The following ZBTB10 variants were observed in gnomAD, a reference collection of about 807,000 sequenced individuals.
ZBTB10 encodes the protein zinc finger and BTB domain-containing protein 10.
A neutral mutation model predicts 76.4 loss-of-function variants in ZBTB10; 32 were observed. That is an observed-to-expected ratio of 0.42 (90% CI 0.32 to 0.56). ZBTB10 has a LOEUF of 0.56. ZBTB10 is among the 20% of genes least tolerant of loss of function. The pLI is 0.14. For missense variants in ZBTB10, 1,057 were observed against 1,098.5 expected (o/e 0.96, Z 0.53); for synonymous variants, 523 against 432.9 (o/e 1.21, Z -2.58).
intron 1 of ZBTB10, among the ~76,000 whole-genome samples, chr8:80,495,671 C>T (rs1815765168): frequency 6.6e-6 from 1 of 152,010 alleles, no homozygotes; most frequent in Non-Finnish European, 1.5e-5. Context: ...AGTAGGTATT[C>T]ATTTAATGTT....
chr8:80,516,405 G>A (rs1046143855), intron 3 of ZBTB10, among the ~76,000 whole-genome samples: 5 of 152,208 alleles, frequency 3.3e-5, no homozygotes, highest in African/African-American at 1.2e-4. Flanking sequence ...GAAAAACCAA[G>A]GCAAGTAAGA....
chr8:80,503,849 C>G (rs1328801733), intron 2 of ZBTB10, among the ~76,000 whole-genome samples: 1 of 152,170 alleles, frequency 6.6e-6, no homozygotes, highest in Non-Finnish European at 1.5e-5. Context: ...TAAACCTAAC[C>G]TAATTCCTCT....
chr8:80,488,500 T>C (rs891787823), intron 1 of ZBTB10, among the ~76,000 whole-genome samples: 1 of 152,242 alleles, frequency 6.6e-6, no homozygotes, highest in African/African-American at 2.4e-5. Context: ...AGAAAGATTT[T>C]TAAATGCAGT....
Position 80,487,272 on chromosome 8 carries a change from T to C in ZBTB10, c.462T>C (p.Asn154=), listed in dbSNP as rs1815497080. 1.3e-6 allele frequency: 2 copies of C among 1,551,160 alleles called. No homozygotes were observed. Among genetic ancestry groups the C allele is most frequent in the African/African-American group, 2.7e-5 (2 of 72,994 alleles). Residue 154 remains asparagine, a synonymous_variant, in exon 1 of 6, where the codon AAT becomes AAC. Transcript: ENST00000455036. ...ETSVWPLRHF[N]GRGPATVDLE... ...CGGTGTGGCCCTTGAGGCATTTCAA[T>C]GGGCGAGGGCCGGCGACTGTGGATC...
intron 2 of ZBTB10, among the ~76,000 whole-genome samples, chr8:80,507,319 G>GAA (rs1304554848): frequency 2.5e-5 from 3 of 121,724 alleles, no homozygotes; most frequent in African/African-American, 9.1e-5. Context: ...AAGAAGAAAA[G>GAA]AAAAAAAAAA....
At chr8:80,516,544 T>G (rs1181017390) in intron 3 of ZBTB10, among the ~76,000 whole-genome samples, 1 of 151,946 alleles carries the variant, frequency 6.6e-6, no homozygotes, top group African/African-American at 2.4e-5. Flanking sequence ...TCTTTATCCC[T>G]CACACAGAAA....
chr8:80,504,430 T>G (rs892726811), intron 2 of ZBTB10, among the ~76,000 whole-genome samples: 10 of 152,320 alleles, frequency 6.6e-5, no homozygotes, highest in African/African-American at 2.2e-4. Context: ...ATGTTGAAGC[T>G]TTTGTTTGGG....
chr8:80,485,794 T>C (rs1245168299), upstream of ZBTB10: 1 of 1,535,306 alleles, frequency 6.5e-7, no homozygotes, highest in Non-Finnish European at 8.7e-7. Context: ...ATGACAAGGC[T>C]GGAGCGCAGC....
chr8:80,517,783 T>C (rs1816362389), intron 3 of ZBTB10, among the ~76,000 whole-genome samples: 1 of 151,932 alleles, frequency 6.6e-6, no homozygotes, highest in South Asian at 2.1e-4. Flanking sequence ...GGAGTTCTGG[T>C]TTGAATATAC....
intron 1 of ZBTB10, among the ~76,000 whole-genome samples, chr8:80,493,157 C>T (rs964916216): frequency 2.0e-5 from 3 of 151,038 alleles, no homozygotes; most frequent in Non-Finnish European, 4.4e-5. Flanking sequence ...CCCCACTGCA[C>T]TCCAACTGGG....
At chr8:80,489,167 A>G (rs776823770) in intron 1 of ZBTB10, among the ~76,000 whole-genome samples, 2 of 152,204 alleles carry the variant, frequency 1.3e-5, no homozygotes, top group Non-Finnish European at 2.9e-5. Context: ...AAAAGAATGG[A>G]TTTGGAGTAA....
At position 80,519,641 on chromosome 8, in the gene ZBTB10, G is replaced by A; in HGVS notation, c.*113G>A. ...ATGGTACATGCTGGATAGTAGTTAT[G>A]TTGCTGTGAAAACTGTAGGGTCAAA... On this transcript the variant is annotated 3_prime_UTR_variant, in exon 6 of 6. Coordinates refer to ENST00000455036, the MANE Select transcript of ZBTB10 (RefSeq NM_001105539.3). 1 of 1,249,392 alleles carries A rather than the reference G, an allele frequency of 8.0e-7. No homozygotes were observed. Among genetic ancestry groups the A allele is most frequent in the Non-Finnish European group, 1.1e-6 (1 of 923,582 alleles). The allele number at this position is 1,249,392 out of a possible 1,614,324, so 77.4% of individuals were successfully genotyped here. A position where few individuals can be genotyped will look rare whatever the true frequency, so the allele number is the denominator to read the frequency against.
intron 2 of ZBTB10, among the ~76,000 whole-genome samples, 195 bp downstream of exon 2, chr8:80,500,577 G>T (rs1815898175): frequency 1.3e-5 from 2 of 152,138 alleles, no homozygotes; most frequent in Admixed American, 6.5e-5. Flanking sequence ...ACATATATAT[G>T]TGGGTTTATC....
At position 80,496,387 on chromosome 8, in the gene ZBTB10, A is replaced by G. The variant is rs571033936; in HGVS notation, c.973-3107A>G. 1.4e-3 allele frequency among the ~76,000 whole-genome samples: 175 copies of G among 126,690 alleles called. 2 individuals are homozygous for G. Among genetic ancestry groups the G allele is most frequent in the African/African-American group, 5.1e-3 (172 of 33,788 alleles). 83.1% of individuals were successfully genotyped at this position (126,690 alleles called of 152,430 possible). Reference sequence around the variant, plus strand: ...GTGGTTTCTTTTTTTTTTTTTTTTGAAGGGCATATTTAATAGCTGCTGCAA... The same window carrying G: ...GTGGTTTCTTTTTTTTTTTTTTTTGGAGGGCATATTTAATAGCTGCTGCAA... On this transcript the variant is annotated intron_variant, in intron 1 of 5. Transcript: ENST00000455036.
At chr8:80,507,852 A>T (rs1280167719) in intron 2 of ZBTB10, among the ~76,000 whole-genome samples, 1 of 152,176 alleles carries the variant, frequency 6.6e-6, no homozygotes, top group East Asian at 1.9e-4. Flanking sequence ...CTCCTGCCTC[A>T]GCCTCCCAGA....
chr8:80,519,743 G>A lies in ZBTB10; in HGVS notation c.*215G>A, dbSNP rs1212698738. The A allele has an allele frequency of 2.1e-6, 1 of 478,986 alleles. No homozygotes were observed. Among genetic ancestry groups the A allele is most frequent in the Non-Finnish European group, 3.7e-6 (1 of 270,760 alleles). 29.7% of individuals were successfully genotyped at this position (478,986 alleles called of 1,614,324 possible). The stretch of plus-strand genomic sequence containing the variant: ...AACAACCATGTGGTTGGATTACATG[G>A]AGTCCCCACATACTCAGTCAGTTAT... On this transcript the variant is annotated 3_prime_UTR_variant, in exon 6 of 6. Transcript: ENST00000455036.
At chr8:80,505,111 G>A (rs1458566304) in intron 2 of ZBTB10, among the ~76,000 whole-genome samples, 1 of 152,072 alleles carries the variant, frequency 6.6e-6, no homozygotes, top group Non-Finnish European at 1.5e-5. Flanking sequence ...AATGACAAAA[G>A]AAACAAATTA....
In ZBTB10 at chr8:80,521,380, A is replaced by G. The variant is rs1045045277; in HGVS notation, c.*1852A>G. 1 of 151,880 alleles carries G rather than the reference A, an allele frequency of 6.6e-6. No individual in the cohort carries two copies. The highest frequency in any genetic ancestry group is 2.4e-5 in the African/African-American group (1 of 41,440). 9.4% of individuals were successfully genotyped at this position (151,880 alleles called of 1,614,324 possible). On this transcript the variant is annotated 3_prime_UTR_variant, in exon 6 of 6. Transcript: ENST00000455036. Reference sequence around the variant, plus strand: ...ATTTCTGGTAGAAATTAGTTGGGCAAAGATACTATGAATGAAAAAGTATTT... The same window carrying G: ...ATTTCTGGTAGAAATTAGTTGGGCAGAGATACTATGAATGAAAAAGTATTT...
At chr8:80,510,641 T>TGTGGG (rs144657712) in intron 2 of ZBTB10, among the ~76,000 whole-genome samples, 2 of 60,056 alleles carry the variant, frequency 3.3e-5, no homozygotes, top group East Asian at 3.9e-4. Context: ...GTGAAACCAG[T>TGTGGG]GTGTGTGTGT....
Sources: gnomAD v4.1 joint callset for allele counts (sites outside exome capture counted in the v4.1 genomes callset) on GRCh38, gnomAD v4.1.1 for gene constraint, MANE v1.5 for transcripts, NCBI Gene and HGNC (gene_info 2026-07-23, HGNC 2026-07-21) for gene names.